NRXN3: variants seen among roughly 807,000 people sequenced by gnomAD.
NRXN3 encodes neurexin 3.
NRXN3 carries 32 observed loss-of-function variants against 137.6 expected under a neutral mutation model. The observed-to-expected ratio is 0.23, with a 90% confidence interval of 0.18 to 0.31. The LOEUF is 0.31. NRXN3 is among the 10% of genes least tolerant of loss of function. NRXN3 has a pLI of 1.00. For missense variants in NRXN3, 1,574 were observed against 2,062.5 expected, an observed-to-expected ratio of 0.76 and a Z score of 4.59; for synonymous variants, 798 against 784.5, an observed-to-expected ratio of 1.02 and a Z score of -0.29.
In NRXN3 at chr14:78,430,097, G is replaced by A. The variant is rs947341269; in HGVS notation, c.757+132237G>A. Among the ~76,000 whole-genome samples, 5 of 152,110 alleles carry A rather than the reference G, an allele frequency of 3.3e-5. No homozygotes were observed. In the East Asian group the frequency reaches 7.7e-4, roughly 24 times the overall value. On this transcript the variant is annotated intron_variant, in intron 4 of 20. Transcript: ENST00000335750. Reference sequence around the variant, plus strand: ...ACAAATGTTTAAAAAAATTAGCTGGGTATGGTGTTGCACGTCTACAGTCCC... The same window carrying A: ...ACAAATGTTTAAAAAAATTAGCTGGATATGGTGTTGCACGTCTACAGTCCC...
At chr14:79,794,579 G>C (rs1603509568) in intron 19 of NRXN3, among the ~76,000 whole-genome samples, 2 of 152,026 alleles carry the variant, frequency 1.3e-5, no homozygotes, top group Admixed American at 1.3e-4. Flanking sequence ...TGAGCTCCTG[G>C]GGATGTCAGT....
intron 15 of NRXN3, among the ~76,000 whole-genome samples, chr14:79,116,155 CACT>C (rs1387426307): frequency 3.9e-5 from 6 of 152,174 alleles, no homozygotes; most frequent in African/African-American, 1.4e-4. Context: ...CTTCTTGAAT[CACT>C]AGACCGATCC....
chr14:79,652,782 T>A (rs1360800064), intron 16 of NRXN3, among the ~76,000 whole-genome samples: 1 of 151,860 alleles, frequency 6.6e-6, no homozygotes, highest in Non-Finnish European at 1.5e-5. Context: ...TCCAGATCAT[T>A]CTCCCCTACA....
intron 4 of NRXN3, among the ~76,000 whole-genome samples, chr14:78,457,396 A>G (rs545455725): frequency 1.3e-5 from 2 of 152,268 alleles, no homozygotes; most frequent in South Asian, 4.2e-4. Flanking sequence ...ATGATGGTGG[A>G]AAGATGCAAG....
In NRXN3 at chr14:79,117,753, TA is replaced by T. The variant is rs200120415; in HGVS notation, c.3262+129614del. 5.8e-3 allele frequency among the ~76,000 whole-genome samples: 877 copies of T among 152,316 alleles called. 11 individuals carry two copies. Among genetic ancestry groups the T allele is most frequent in the South Asian group, 0.057 (274 of 4,826 alleles). On this transcript the variant is annotated intron_variant, in intron 15 of 20. Transcript: ENST00000335750. ...CCAGCATTTGTCAGAATCCAGTTAT[TA>T]ACCTGTCAGCCTCAGACAGATTGAA... is the stretch of plus-strand genomic sequence containing the variant.
At chr14:78,257,673 G>A (rs2069892169) in intron 2 of NRXN3, among the ~76,000 whole-genome samples, 1 of 152,230 alleles carries the variant, frequency 6.6e-6, no homozygotes, top group African/African-American at 2.4e-5. Context: ...CCAAAGAATT[G>A]AGGCCAATGG....
At chr14:78,469,631 G>A (rs1367662454) in intron 4 of NRXN3, among the ~76,000 whole-genome samples, 2 of 152,180 alleles carry the variant, frequency 1.3e-5, no homozygotes, top group African/African-American at 4.8e-5. Flanking sequence ...TCAACACCTG[G>A]TGTTTGAAGC....
At chr14:78,278,002 C>T (rs1349959829) in intron 2 of NRXN3, among the ~76,000 whole-genome samples, 38 of 152,128 alleles carry the variant, frequency 2.5e-4, no homozygotes, top group Admixed American at 2.4e-3. Flanking sequence ...GATGAATGAT[C>T]TACTCACACA....
chr14:78,831,318 A>C (rs915016524), intron 10 of NRXN3, among the ~76,000 whole-genome samples: 1 of 152,012 alleles, frequency 6.6e-6, no homozygotes, highest in Non-Finnish European at 1.5e-5. Flanking sequence ...GAGGTGGATC[A>C]CGAGGTCAGG....
intron 4 of NRXN3, among the ~76,000 whole-genome samples, chr14:78,568,257 G>T (rs1385666733): frequency 6.6e-6 from 1 of 152,158 alleles, no homozygotes; most frequent in Admixed American, 6.5e-5. Flanking sequence ...AGTGCTTTGG[G>T]ATTAGTGCTC....
intron 15 of NRXN3, among the ~76,000 whole-genome samples, chr14:79,328,276 C>T (rs1473128160): frequency 6.6e-6 from 1 of 152,062 alleles, no homozygotes; most frequent in Non-Finnish European, 1.5e-5. Context: ...AATTCAGCAC[C>T]AGTGGTGAAT....
intron 15 of NRXN3, among the ~76,000 whole-genome samples, chr14:79,402,308 T>C (rs969544166): frequency 1.6e-4 from 24 of 152,216 alleles, no homozygotes; most frequent in African/African-American, 5.3e-4. Flanking sequence ...CTATACAACA[T>C]GTACTACGCT....
At chr14:79,778,935 T>G (rs1159424323) in intron 19 of NRXN3, among the ~76,000 whole-genome samples, 2 of 152,208 alleles carry the variant, frequency 1.3e-5, no homozygotes, top group Non-Finnish European at 2.9e-5. Flanking sequence ...AATTGTAGTT[T>G]TGCCACTCAT....
chr14:79,848,667 C>G (rs2099385526), intron 20 of NRXN3, among the ~76,000 whole-genome samples: 1 of 152,138 alleles, frequency 6.6e-6, no homozygotes, highest in Admixed American at 6.5e-5. Context: ...TTTCATTCTT[C>G]AGTATCAACA....
At chr14:78,525,023 G>A (rs901275259) in intron 4 of NRXN3, among the ~76,000 whole-genome samples, 1 of 152,168 alleles carries the variant, frequency 6.6e-6, no homozygotes, top group Admixed American at 6.5e-5. Context: ...TATTTTATCT[G>A]ATCTACTTCT....
intron 8 of NRXN3, among the ~76,000 whole-genome samples, chr14:78,793,516 A>C (rs2098811797): frequency 6.6e-6 from 1 of 152,186 alleles, no homozygotes; most frequent in Admixed American, 6.5e-5. Context: ...AAAAAGGCGC[A>C]TGGGGGCAAA....
At chr14:79,430,657 T>C (rs2095737195) in intron 15 of NRXN3, among the ~76,000 whole-genome samples, 1 of 152,220 alleles carries the variant, frequency 6.6e-6, no homozygotes, top group Admixed American at 6.6e-5. Context: ...TTTGGTTCTG[T>C]TGTCTGGAGA....
chr14:79,005,752 T>A (rs2099551134), intron 15 of NRXN3, among the ~76,000 whole-genome samples: 3 of 152,104 alleles, frequency 2.0e-5, no homozygotes, highest in Non-Finnish European at 2.9e-5. Flanking sequence ...GGTGTTTACA[T>A]GTTTATACAT....
At chr14:79,045,344 A>G (rs947008992) in intron 15 of NRXN3, among the ~76,000 whole-genome samples, 2 of 152,170 alleles carry the variant, frequency 1.3e-5, no homozygotes, top group African/African-American at 4.8e-5. Context: ...GAGAAGGCCA[A>G]TCCTGATCCT....
Sources: allele counts gnomAD v4.1 joint callset (sites outside exome capture counted in the v4.1 genomes callset), GRCh38; gene constraint gnomAD v4.1.1; transcripts MANE v1.5; gene names NCBI Gene and HGNC (gene_info 2026-07-23, HGNC 2026-07-21).